Variants in FBXL2 observed in about 807,000 individuals in gnomAD.
FBXL2 encodes F-box and leucine rich repeat protein 2.
In FBXL2, 38 loss-of-function variants were observed where a neutral mutation model predicts 69.2. The ratio of observed to expected loss-of-function variants is 0.55; its 90% CI spans 0.42 to 0.72. FBXL2 has a LOEUF of 0.72. FBXL2 is among the 30% of genes least tolerant of loss of function. FBXL2 has a pLI of 0.00. For missense variants in FBXL2, 354 were observed against 520.3 expected, an observed-to-expected ratio of 0.68 and a Z score of 3.11; for synonymous variants, 192 against 201.3, an observed-to-expected ratio of 0.95 and a Z score of 0.39.
intron 12 of FBXL2, 126 bp downstream of exon 12, chr3:33,378,273 C>T (rs2042776759): frequency 2.1e-6 from 2 of 966,132 alleles, no homozygotes; most frequent in Admixed American, 3.9e-5. Flanking sequence ...AGTGGCAGGG[C>T]TTGGAAACCT....
chr3:33,334,485 TATTC>T (rs2039408395), intron 2 of FBXL2, among the ~76,000 whole-genome samples: 1 of 152,262 alleles, frequency 6.6e-6, no homozygotes, highest in African/African-American at 2.4e-5. Context: ...TAACAGAAAT[TATTC>T]AAACTGATGC....
chr3:33,408,819 G>A, the FBXL2 span: 1 of 1,590,504 alleles, frequency 6.3e-7, no homozygotes, highest in Non-Finnish European at 8.6e-7. Flanking sequence ...CCAAAGATTG[G>A]GATCAATGTC....
In FBXL2 at chr3:33,324,467, G is replaced by GT. The variant is rs757422634; in HGVS notation, c.65+26744dup. ...CCTTTAAGTCTTTAATCCATCTTGAGTTAATTTTAGTGTAAGGTATAAGGA... is the reference window on the plus strand; with the variant it reads ...CCTTTAAGTCTTTAATCCATCTTGAGTTTAATTTTAGTGTAAGGTATAAGGA... On this transcript the variant is annotated intron_variant, in intron 2 of 14. Transcript: ENST00000484457. Among the ~76,000 whole-genome samples, 40 of 152,272 alleles carry GT rather than the reference G, an allele frequency of 2.6e-4. 2 individuals are homozygous for GT. In the Middle Eastern group the frequency reaches 0.031, roughly 117 times the overall value.
At chr3:33,414,056 C>T in the FBXL2 span, 50 of 151,880 alleles carry the variant, frequency 3.3e-4, no homozygotes, top group Admixed American at 3.3e-3. Flanking sequence ...GACTTCAGAG[C>T]TTTACTAAGC....
chr3:33,380,524 C>A (rs2042974506), intron 13 of FBXL2, among the ~76,000 whole-genome samples: 1 of 146,884 alleles, frequency 6.8e-6, no homozygotes, highest in African/African-American at 2.5e-5. Flanking sequence ...CGCCATTGCA[C>A]TCCAGCCTGG....
intron 4 of FBXL2, among the ~76,000 whole-genome samples, chr3:33,359,809 A>G (rs1422448660): frequency 6.6e-6 from 1 of 152,166 alleles, no homozygotes; most frequent in African/African-American, 2.4e-5. Flanking sequence ...ATCTCTCAGT[A>G]TTCTGTTTTA....
the FBXL2 span, chr3:33,416,626 TAAAC>T: frequency 1.5e-6 from 1 of 654,046 alleles, no homozygotes. Flanking sequence ...TACAGGTGAA[TAAAC>T]AAAATATAGC....
At chr3:33,311,075 C>A (rs2037152016) in intron 2 of FBXL2, among the ~76,000 whole-genome samples, 1 of 152,158 alleles carries the variant, frequency 6.6e-6, no homozygotes, top group Non-Finnish European at 1.5e-5. Flanking sequence ...CCACACCCAG[C>A]CAAATTCTAT....
rs563434996 is a variant in FBXL2 at position 33,301,519 on chromosome 3, TC to T, written c.65+3795del. Among the ~76,000 whole-genome samples, 56 of 152,322 alleles carry T rather than the reference TC, an allele frequency of 3.7e-4. No individual in the cohort carries two copies. The South Asian group carries it at 0.011, about 31-fold the overall frequency. ...ATCACTTTGAATCCACTCAGAAAAA[TC>T]TATGTTTTCTTTTCATCTGATTTTA... is the stretch of plus-strand genomic sequence containing the variant. On this transcript the variant is annotated intron_variant, in intron 2 of 14. Transcript: ENST00000484457.
At chr3:33,407,936 A>T (rs150924725), downstream of FBXL2, among the ~76,000 whole-genome samples, 17 of 152,376 alleles carry the variant, frequency 1.1e-4, no homozygotes, top group Non-Finnish European at 2.5e-4. Context: ...CTAATAGATG[A>T]AGAGTCATGT....
intron 2 of FBXL2, among the ~76,000 whole-genome samples, chr3:33,298,458 G>A (rs1447858673): frequency 6.6e-6 from 1 of 151,976 alleles, no homozygotes; most frequent in Non-Finnish European, 1.5e-5. Flanking sequence ...GATCACTTGA[G>A]GCCGGGAATT....
At position 33,384,136 on chromosome 3, in the gene FBXL2, G is replaced by C; in HGVS notation, c.1099G>C (p.Gly367Arg). ...CCTGGAACACCTAGAGAACTGCCGA[G>C]GCCTGGAGCGCCTCGAGCTGTACGA... ...VALEHLENCRGLERLELYDCQ... is the reference protein window; with the variant it reads ...VALEHLENCRRLERLELYDCQ... Residue 367 changes from glycine to arginine, a missense_variant, in exon 14 of 15, where the codon GGC (glycine) becomes CGC (arginine). Gly to Arg is a moderately radical substitution (Grantham distance 125). Transcript: ENST00000484457. 6.2e-7 allele frequency: 1 copy of C among 1,614,148 alleles called. No individual in the cohort carries two copies. Among genetic ancestry groups the C allele is most frequent in the Non-Finnish European group, 8.5e-7 (1 of 1,180,044 alleles).
At chr3:33,281,832 A>G (rs2034046641) in intron 1 of FBXL2, among the ~76,000 whole-genome samples, 1 of 152,154 alleles carries the variant, frequency 6.6e-6, no homozygotes, top group South Asian at 2.1e-4. Flanking sequence ...TTTTGGCTGC[A>G]TAAATGTCTT....
the FBXL2 span, among the ~76,000 whole-genome samples, chr3:33,411,418 T>C: frequency 6.6e-6 from 1 of 152,186 alleles, no homozygotes; most frequent in Non-Finnish European, 1.5e-5. Context: ...TAGTTTAAAA[T>C]AGGGTGAACT....
chr3:33,294,382 C>T (rs1559498843), intron 1 of FBXL2, among the ~76,000 whole-genome samples: 1 of 152,084 alleles, frequency 6.6e-6, no homozygotes, highest in Non-Finnish European at 1.5e-5. Context: ...CAGGCATGAG[C>T]CACTGTGCCT....
chr3:33,362,856 T>G (rs1320717456), intron 4 of FBXL2, among the ~76,000 whole-genome samples: 1 of 152,016 alleles, frequency 6.6e-6, no homozygotes, highest in Non-Finnish European at 1.5e-5. Flanking sequence ...TAAGTCATAA[T>G]CTTTTTCCCC....
At chr3:33,419,700 T>C in the FBXL2 span, among the ~76,000 whole-genome samples, 3 of 151,960 alleles carry the variant, frequency 2.0e-5, no homozygotes, top group East Asian at 3.8e-4. Flanking sequence ...GGTTTCCCTA[T>C]TGGAAACTAT....
At chr3:33,381,920 G>T (rs2043091976) in intron 13 of FBXL2, among the ~76,000 whole-genome samples, 1 of 152,198 alleles carries the variant, frequency 6.6e-6, no homozygotes, top group African/African-American at 2.4e-5. Flanking sequence ...GCTCAGAGAA[G>T]AATCTTTAAA....
At chr3:33,321,968 C>T (rs1189638011) in intron 2 of FBXL2, among the ~76,000 whole-genome samples, 2 of 151,940 alleles carry the variant, frequency 1.3e-5, no homozygotes, top group African/African-American at 4.8e-5. Flanking sequence ...TTTGTCACTG[C>T]CCTGTAAAAT....
Sources: gnomAD v4.1 joint callset for allele counts (sites outside exome capture counted in the v4.1 genomes callset) on GRCh38, gnomAD v4.1.1 for gene constraint, MANE v1.5 for transcripts, NCBI Gene and HGNC (gene_info 2026-07-23, HGNC 2026-07-21) for gene names.